SMG5: variants seen among roughly 807,000 people sequenced by gnomAD.
The protein encoded by SMG5 is SMG5 nonsense mediated mRNA decay factor, also known as nonsense-mediated mRNA decay factor SMG5.
SMG5 carries 53 observed loss-of-function variants against 122.9 expected under a neutral mutation model. The observed-to-expected ratio is 0.43, with a 90% CI of 0.35 to 0.54. SMG5 has a LOEUF of 0.54. Ranked by LOEUF, SMG5 falls within the 20% of genes least tolerant of loss-of-function variation. SMG5 has a pLI of 0.01. For missense variants in SMG5, 1,153 were observed against 1,285.6 expected, an observed-to-expected ratio of 0.90 and a Z score of 1.58; for synonymous variants, 477 against 490.2, an observed-to-expected ratio of 0.97 and a Z score of 0.35.
At chr1:156,261,502 T>TC (rs1661838059) in intron 13 of SMG5, 94 bp from the exon 14 acceptor site, 2 of 1,033,742 alleles carry the variant, frequency 1.9e-6, no homozygotes, top group African/African-American at 3.2e-5. Flanking sequence ...GGATCTGGCC[T>TC]ATGTTCAGAG....
At position 156,260,497 on chromosome 1, in the gene SMG5, C is replaced by T. The variant is rs146907826; in HGVS notation, c.2237G>A (p.Arg746His). 6 of 1,590,146 alleles carry T rather than the reference C, an allele frequency of 3.8e-6. No homozygotes were observed. Among genetic ancestry groups the T allele is most frequent in the East Asian group, 2.4e-5 (1 of 42,496 alleles). The change falls in exon 15 of 22, where the codon CGC becomes CAC. Residue 746 changes from arginine to histidine, a missense_variant. By Grantham distance (29) the Arg-to-His change is conservative. Around this residue, in one of 5 missense-constraint regions of SMG5, gnomAD observed 631 missense variants for 650.6 expected, o/e 0.97. Transcript: ENST00000361813. ...NLPPLRAAHRRFNFDTDRPLL... is the reference protein window; with the variant it reads ...NLPPLRAAHRHFNFDTDRPLL... ...GGGCCGATCCGTGTCAAAGTTAAAG[C>T]GTCTGTGGGCAGCTCGGAGCGGGGG...
At chr1:156,286,170 C>T (rs1255360723), upstream of SMG5, 35 of 1,425,700 alleles carry the variant, frequency 2.5e-5, no homozygotes, top group South Asian at 1.0e-4. Context: ...AGCCCATGCA[C>T]TGCCCACAGT....
chr1:156,286,412 T>TA (rs1395441164), upstream of SMG5: 4 of 1,614,102 alleles, frequency 2.5e-6, no homozygotes, highest in Non-Finnish European at 3.4e-6. Context: ...GCTTTCCACT[T>TA]ACCTGCCCCA....
intron 16 of SMG5, among the ~76,000 whole-genome samples, chr1:156,257,985 T>C (rs1158564949): frequency 1.3e-5 from 2 of 152,206 alleles, no homozygotes; most frequent in Admixed American, 6.5e-5. Context: ...GAAAACCAGA[T>C]TGTTGCCCAC....
At chr1:156,252,225 A>G (rs1212527712) in intron 19 of SMG5, among the ~76,000 whole-genome samples, 189 bp downstream of exon 19, 1 of 152,102 alleles carries the variant, frequency 6.6e-6, no homozygotes, top group Non-Finnish European at 1.5e-5. Context: ...GTCACCCTCT[A>G]TTTCAGCAGC....
At chr1:156,289,380 G>A in the SMG5 span, among the ~76,000 whole-genome samples, 2 of 150,910 alleles carry the variant, frequency 1.3e-5, no homozygotes, top group Admixed American at 6.6e-5. Flanking sequence ...AGGCCAAGGC[G>A]GGTGGATCAC....
At chr1:156,275,599 G>C (rs976139756) in intron 4 of SMG5, among the ~76,000 whole-genome samples, 1 of 152,186 alleles carries the variant, frequency 6.6e-6, no homozygotes, top group African/African-American at 2.4e-5. Flanking sequence ...GCCTCACTCA[G>C]ATGGGTTGCT....
chr1:156,265,888 A>G lies in SMG5; in HGVS notation c.1748T>C (p.Leu583Pro), dbSNP rs1189922895. ...GAGCAGGTTGCTAAAGGTGGGGGCC[A>G]GTCGGAAGCAGCGCTTAGTCTGGAA... is the stretch of plus-strand genomic sequence containing the variant. ...QMFQTKRCFRLAPTFSNLLLQ... is the reference protein window; with the variant it reads ...QMFQTKRCFRPAPTFSNLLLQ... Residue 583 changes from leucine to proline, a missense_variant, in exon 12 of 22, where the codon CTG becomes CCG. This residue lies in a region of SMG5 where 631 missense variants were observed against 650.6 expected (regional missense o/e 0.97). Coordinates refer to ENST00000361813, the MANE Select transcript of SMG5 (RefSeq NM_015327.3). The G allele has an allele frequency of 1.2e-6, 2 of 1,614,062 alleles. No homozygotes were observed. The highest frequency in any genetic ancestry group is 2.2e-5 in the East Asian group (1 of 44,890).
chr1:156,274,434 G>A (rs1662585467), intron 5 of SMG5, among the ~76,000 whole-genome samples, 163 bp downstream of exon 5: 2 of 152,226 alleles, frequency 1.3e-5, no homozygotes, highest in South Asian at 4.1e-4. Flanking sequence ...TGGAAGGGCA[G>A]TGAAAAGAAG....
intron 13 of SMG5, among the ~76,000 whole-genome samples, chr1:156,262,467 C>T (rs1352924085): frequency 7.1e-6 from 1 of 141,486 alleles, no homozygotes; most frequent in African/African-American, 2.7e-5. Context: ...CAGAGCCAGA[C>T]TCCATCTCAG....
upstream of SMG5, among the ~76,000 whole-genome samples, chr1:156,287,741 C>T (rs1357631720): frequency 1.3e-5 from 2 of 151,732 alleles, no homozygotes; most frequent in East Asian, 2.0e-4. Context: ...CTCAGCCTCC[C>T]GCGTAGCTGG....
In SMG5 at chr1:156,250,688, GA is replaced by G. The variant is rs1204123792; in HGVS notation, c.2968-19del. On this transcript the variant is annotated intron_variant, in intron 21 of 21. Transcript: ENST00000361813. ...AGGGCTGCCTGTGGAATGGGAGAAG[GA>G]AAGATGGAGAGGGTCTGACCTCCTG... is the stretch of plus-strand genomic sequence containing the variant. 6.2e-7 allele frequency: 1 copy of G among 1,612,848 alleles called. No individual in the cohort carries two copies. The highest frequency in any genetic ancestry group is 1.7e-5 in the Admixed American group (1 of 60,004).
intron 19 of SMG5, 43 bp downstream of exon 19, chr1:156,252,371 A>G (rs1661390084): frequency 6.3e-7 from 1 of 1,591,664 alleles, no homozygotes; most frequent in Non-Finnish European, 8.6e-7. Flanking sequence ...TATCCAAAAG[A>G]CAGACCCAGG....
intron 6 of SMG5, among the ~76,000 whole-genome samples, chr1:156,272,659 G>A (rs1282952468): frequency 2.7e-5 from 4 of 148,996 alleles, no homozygotes; most frequent in East Asian, 2.0e-4. Flanking sequence ...TGCAAGCTCC[G>A]CCTCCCAGGT....
At chr1:156,285,985 T>A (rs1234869796), upstream of SMG5, 1 of 1,595,882 alleles carries the variant, frequency 6.3e-7, no homozygotes, top group Non-Finnish European at 8.5e-7. Context: ...TTGTGCTGGG[T>A]GAGCCTGTGA....
chr1:156,255,832 G>A (rs1661554483), intron 16 of SMG5, among the ~76,000 whole-genome samples: 2 of 152,144 alleles, frequency 1.3e-5, no homozygotes, highest in African/African-American at 4.8e-5. Flanking sequence ...GAGGCCAGGA[G>A]TTCAAGGCTG....
chr1:156,266,825 T>A, intron 10 of SMG5, 147 bp from the exon 11 acceptor site: 1 of 1,092,718 alleles, frequency 9.2e-7, no homozygotes. Flanking sequence ...TTTAACTTTT[T>A]AGAGACAAGA....
At chr1:156,274,263 A>G (rs1463361658) in intron 5 of SMG5, among the ~76,000 whole-genome samples, 1 of 152,222 alleles carries the variant, frequency 6.6e-6, no homozygotes, top group Non-Finnish European at 1.5e-5. Context: ...TGAAGTTTCT[A>G]TTCATCTAGC....
At chr1:156,255,754 TCAGTCAAGCTTGGTGATG>T (rs1460035150) in intron 16 of SMG5, among the ~76,000 whole-genome samples, 1 of 151,458 alleles carries the variant, frequency 6.6e-6, no homozygotes, top group Non-Finnish European at 1.5e-5. Context: ...ATTTTAAAAA[TCAGTCAAGCTTGGTGATG>T]CATGCCTGTA....
Sources: gnomAD v4.1 joint callset for allele counts (sites outside exome capture counted in the v4.1 genomes callset) on GRCh38, gnomAD v4.1.1 for gene constraint, gnomAD v4.1.1 regional missense constraint, MANE v1.5 for transcripts, NCBI Gene and HGNC (gene_info 2026-07-23, HGNC 2026-07-21) for gene names.